The following KIRREL1 variants were observed in gnomAD, a reference collection of about 807,000 sequenced individuals.
KIRREL1 encodes the protein kin of IRRE-like protein 1.
A neutral mutation model predicts 83.3 loss-of-function variants in KIRREL1; 25 were observed. The ratio of observed to expected loss-of-function variants is 0.30; its 90% CI spans 0.22 to 0.42. KIRREL1 has a LOEUF of 0.42. KIRREL1 is among the 10% of genes least tolerant of loss of function. KIRREL1 has a pLI of 1.00. For missense variants in KIRREL1, 812 were observed against 1,032.3 expected (o/e 0.79, Z 2.92); for synonymous variants, 388 against 410.4 (o/e 0.95, Z 0.66).
At chr1:158,065,993 A>G (rs907377658) in intron 1 of KIRREL1, among the ~76,000 whole-genome samples, 2 of 148,632 alleles carry the variant, frequency 1.3e-5, no homozygotes, top group African/African-American at 4.9e-5. Context: ...CTTCTTTTCC[A>G]TAACTCCTCT....
At chr1:158,089,442 T>C in intron 8 of KIRREL1, 60 bp from the exon 9 acceptor site, 2 of 1,606,766 alleles carry the variant, frequency 1.2e-6, no homozygotes, top group Non-Finnish European at 1.7e-6. Context: ...TGTGGGGCCC[T>C]CATGGACCTA....
chr1:158,057,814 G>T (rs534709199), intron 1 of KIRREL1, among the ~76,000 whole-genome samples: 1 of 152,282 alleles, frequency 6.6e-6, no homozygotes, highest in South Asian at 2.1e-4. Flanking sequence ...GTTTCTAGCA[G>T]TCCCGGTTCT....
intron 1 of KIRREL1, among the ~76,000 whole-genome samples, chr1:158,071,363 T>C (rs1661511211): frequency 6.6e-6 from 1 of 151,852 alleles, no homozygotes; most frequent in Non-Finnish European, 1.5e-5. Context: ...TGCGTGTGAG[T>C]ATGTGTGAGT....
In KIRREL1 at chr1:158,094,368, C is replaced by A. The variant is rs768945672; in HGVS notation, c.1775C>A (p.Thr592Asn). 28 of 1,612,720 alleles carry A rather than the reference C, an allele frequency of 1.7e-5. No individual in the cohort carries two copies. The South Asian group carries it at 2.7e-4, about 15-fold the overall frequency. Residue 592 changes from threonine to asparagine, a missense_variant, in exon 14 of 15, where the codon ACC becomes AAC. Thr to Asn is a moderately conservative substitution (Grantham distance 65). Transcript: ENST00000359209. The surrounding 1 kb of genome is among the most constrained non-coding windows in gnomAD (Gnocchi z 4.6). ...GACCTGCGCTGCGACACCATCGACA[C>A]CCGGGAGGAGTATGAGATGAAGGTG... ...KQDLRCDTID[T>N]REEYEMKDPT...
chr1:158,084,635 C>G, intron 4 of KIRREL1, 56 bp downstream of exon 4: 1 of 1,525,550 alleles, frequency 6.6e-7, no homozygotes, highest in South Asian at 1.2e-5. Context: ...CTCACCTCTC[C>G]TTTCCCACAG....
intron 2 of KIRREL1, among the ~76,000 whole-genome samples, chr1:158,077,323 T>C (rs140611296): frequency 1.3e-5 from 2 of 152,168 alleles, no homozygotes; most frequent in Non-Finnish European, 2.9e-5. Flanking sequence ...TCAATAGATA[T>C]GGAGTGAGAA....
intron 1 of KIRREL1, among the ~76,000 whole-genome samples, chr1:157,995,577 A>G (rs1659171743): frequency 6.6e-6 from 1 of 152,184 alleles, no homozygotes; most frequent in Non-Finnish European, 1.5e-5. Context: ...TCCCTTTCTT[A>G]CAGCCCTTAC....
chr1:158,084,609 C>G (rs1386028010), intron 4 of KIRREL1, 30 bp downstream of exon 4: 3 of 1,548,724 alleles, frequency 1.9e-6, no homozygotes, highest in African/African-American at 1.4e-5. Context: ...CCCAGCTCCT[C>G]CTGGGCCTAG....
chr1:158,021,305 C>T (rs1233322035), intron 1 of KIRREL1, among the ~76,000 whole-genome samples: 2 of 152,124 alleles, frequency 1.3e-5, no homozygotes, highest in Non-Finnish European at 2.9e-5. Context: ...AGATTCTCCA[C>T]CAAAAAAGCA....
At chr1:158,021,950 A>G (rs1660013123) in intron 1 of KIRREL1, among the ~76,000 whole-genome samples, 1 of 152,022 alleles carries the variant, frequency 6.6e-6, no homozygotes, top group South Asian at 2.1e-4. Context: ...GCTTCCTTAA[A>G]GAGGTAAATC....
chr1:158,080,866 T>A (rs1190181764), intron 3 of KIRREL1, among the ~76,000 whole-genome samples: 1 of 152,214 alleles, frequency 6.6e-6, no homozygotes. Flanking sequence ...CATCCCTTCC[T>A]GCGTACCTGC....
At position 158,087,766 on chromosome 1, in the gene KIRREL1, G is replaced by C. The variant is rs1662058612; in HGVS notation, c.673G>C (p.Val225Leu). ...IELDVHHPPTVTLSIEPQTVQ... is the reference protein window; with the variant it reads ...IELDVHHPPTLTLSIEPQTVQ... ...GCTCTACTTTGCAGACCCTCCTACA[G>C]TGACCCTGTCCATTGAGCCACAGAC... Residue 225 changes from valine to leucine, a missense_variant, in exon 6 of 15, where the codon GTG becomes CTG. Val to Leu is a conservative substitution (Grantham distance 32, BLOSUM62 1). Coordinates refer to ENST00000359209, the MANE Select transcript of KIRREL1 (RefSeq NM_018240.7). 1 of 1,613,708 alleles carries C rather than the reference G, an allele frequency of 6.2e-7. No homozygotes were observed. Among genetic ancestry groups the C allele is most frequent in the Admixed American group, 1.7e-5 (1 of 59,966 alleles).
chr1:158,054,293 G>A (rs61818079), intron 1 of KIRREL1, among the ~76,000 whole-genome samples: 4,210 of 151,638 alleles, frequency 0.028, 82 homozygotes, highest in Non-Finnish European at 0.043. Flanking sequence ...GTGAGGGCAG[G>A]ACCAAAGGGG....
intron 1 of KIRREL1, among the ~76,000 whole-genome samples, chr1:158,050,700 G>C (rs1170215304): frequency 6.6e-6 from 1 of 152,004 alleles, no homozygotes; most frequent in Non-Finnish European, 1.5e-5. Flanking sequence ...GAAGTCCAGA[G>C]AGACCACAGA....
Position 158,075,433 on chromosome 1 carries a change from G to A in KIRREL1, c.53-680G>A, listed in dbSNP as rs147195674. Among the ~76,000 whole-genome samples, 314 of 152,334 alleles carry A rather than the reference G, an allele frequency of 2.1e-3. 2 individuals carry two copies. The highest frequency in any genetic ancestry group is 6.6e-3 in the African/African-American group (276 of 41,580). ...CTTAGGCCCCCCTGCACTTGGGAGC[G>A]AAGGATGAACACACAGAGCAGGGCA... On this transcript the variant is annotated intron_variant, in intron 1 of 14. Transcript: ENST00000359209.
chr1:158,092,902 C>A (rs1234633012), intron 11 of KIRREL1, among the ~76,000 whole-genome samples: 1 of 152,166 alleles, frequency 6.6e-6, no homozygotes, highest in Non-Finnish European at 1.5e-5. Context: ...GAACATTCGG[C>A]AGTCACAGTG....
In KIRREL1 at chr1:158,088,163, C is replaced by T. The variant is rs1490273103; in HGVS notation, c.916+9C>T. 2.5e-6 allele frequency: 4 copies of T among 1,614,154 alleles called. No individual in the cohort carries two copies. The highest frequency in any genetic ancestry group is 3.3e-5 in the Admixed American group (2 of 60,022). ...TTTAGTAAATGTCCACTGTGAGTAGCTGGGAGGGCAGGGACGGGGACAGAG... is the reference window on the plus strand; with the variant it reads ...TTTAGTAAATGTCCACTGTGAGTAGTTGGGAGGGCAGGGACGGGGACAGAG... On this transcript the variant is annotated intron_variant, in intron 7 of 14. Transcript: ENST00000359209.
rs920268836 is a variant in KIRREL1, at chr1:158,098,414, G to C, written c.*3294G>C. The C allele has an allele frequency of 6.6e-6, 1 of 152,222 alleles. No individual in the cohort carries two copies. The highest frequency in any genetic ancestry group is 6.5e-5 in the Admixed American group (1 of 15,282). The allele number at this position is 152,222 out of a possible 1,614,324, so 9.4% of individuals were successfully genotyped here. ...CATTCCTCTGGCCCAGGGACAGCTT[G>C]TTCTTCTCACCAAACAGGTGAAGCC... On this transcript the variant is annotated 3_prime_UTR_variant, in exon 15 of 15. Coordinates refer to ENST00000359209, the MANE Select transcript of KIRREL1 (RefSeq NM_018240.7).
intron 1 of KIRREL1, among the ~76,000 whole-genome samples, chr1:158,075,394 T>A (rs1161424202): frequency 6.6e-6 from 1 of 152,162 alleles, no homozygotes; most frequent in Non-Finnish European, 1.5e-5. Flanking sequence ...TGCAGGTGTG[T>A]TCATGTGTAC....
Sources: gnomAD v4.1 joint callset for allele counts (sites outside exome capture counted in the v4.1 genomes callset) on GRCh38, gnomAD v4.1.1 for gene constraint, Gnocchi (gnomAD v3.1) non-coding constraint, MANE v1.5 for transcripts, NCBI Gene and HGNC (gene_info 2026-07-23, HGNC 2026-07-21) for gene names.